Variants in WRN observed in about 807,000 individuals in gnomAD.
WRN encodes the protein WRN RecQ like helicase.
Under a neutral mutation model 180.7 loss-of-function variants are expected in WRN, and 149 were observed. The ratio of observed to expected loss-of-function variants is 0.82; its 90% CI spans 0.72 to 0.94. The LOEUF is 0.94. WRN is among the 40% of genes least tolerant of loss of function. The pLI, the probability that WRN is intolerant of heterozygous loss-of-function variation, is 0.00. For synonymous variants in WRN, 548 were observed against 568.9 expected (o/e 0.96, Z 0.52); for missense variants, 1,661 against 1,700.1 (o/e 0.98, Z 0.40).
intron 17 of WRN, among the ~76,000 whole-genome samples, chr8:31,098,154 C>T (rs1286783662): frequency 6.6e-6 from 1 of 151,954 alleles, no homozygotes; most frequent in Non-Finnish European, 1.5e-5. Context: ...TCTTAAACTC[C>T]CTTATTGACA....
At chr8:31,153,143 C>CTTGCCTAGT (rs1186248760) in intron 31 of WRN, among the ~76,000 whole-genome samples, 2 of 152,094 alleles carry the variant, frequency 1.3e-5, no homozygotes, top group Non-Finnish European at 1.5e-5. Context: ...GCAAGTGAAA[C>CTTGCCTAGT]TGTCTAGTTG....
intron 8 of WRN, among the ~76,000 whole-genome samples, chr8:31,077,333 C>T (rs567162229): frequency 2.6e-5 from 4 of 152,196 alleles, no homozygotes; most frequent in East Asian, 3.9e-4. Flanking sequence ...CTCCGCCTCC[C>T]GGGTTCACAC....
At chr8:31,126,193 A>G (rs1445706783) in intron 23 of WRN, among the ~76,000 whole-genome samples, 1 of 152,144 alleles carries the variant, frequency 6.6e-6, no homozygotes, top group Non-Finnish European at 1.5e-5. Context: ...ACCCAACAAC[A>G]GTAGAGTACA....
chr8:31,102,279 T>C (rs545450378), intron 18 of WRN, among the ~76,000 whole-genome samples: 3 of 152,374 alleles, frequency 2.0e-5, no homozygotes, highest in Non-Finnish European at 4.4e-5. Context: ...AAGAATGTTA[T>C]ATACATGGAA....
At chr8:31,157,796 T>G (rs1390872294) in intron 33 of WRN, among the ~76,000 whole-genome samples, 2 of 152,158 alleles carry the variant, frequency 1.3e-5, no homozygotes, top group Non-Finnish European at 2.9e-5. Flanking sequence ...GGCGTGATCT[T>G]GGCTCGCTGC....
intron 8 of WRN, among the ~76,000 whole-genome samples, chr8:31,080,225 A>G (rs1585426452): frequency 6.6e-6 from 1 of 152,234 alleles, no homozygotes; most frequent in African/African-American, 2.4e-5. Flanking sequence ...TTTGTTCCCA[A>G]TATTTTTATA....
chr8:31,100,894 G>C lies in WRN; in HGVS notation c.2027G>C (p.Trp676Ser), dbSNP rs779805817. ...AVDEAHCISE[W>S]GHDFRDSFRK... ...GATGAGGCTCACTGTATTTCTGAGT[G>C]GGGGCATGATTTTAGGGATTCATTC... The change falls in exon 18 of 35, where the codon TGG becomes TCG. Residue 676 changes from tryptophan to serine, a missense_variant. Physicochemically the swap from Trp to Ser is radical, Grantham distance 177. Coordinates refer to ENST00000298139, the MANE Select transcript of WRN (RefSeq NM_000553.6). 1.2e-6 allele frequency: 2 copies of C among 1,613,870 alleles called. No individual in the cohort carries two copies. Among genetic ancestry groups the C allele is most frequent in the African/African-American group, 2.7e-5 (2 of 74,884 alleles).
chr8:31,146,722 G>A (rs949888852), intron 28 of WRN, among the ~76,000 whole-genome samples: 2 of 152,192 alleles, frequency 1.3e-5, no homozygotes, highest in African/African-American at 4.8e-5. Flanking sequence ...GTTAAAAGAC[G>A]TTAACGTGTC....
intron 27 of WRN, among the ~76,000 whole-genome samples, chr8:31,143,073 T>TCTCA (rs1554533199): frequency 1.2e-4 from 17 of 146,342 alleles, no homozygotes; most frequent in South Asian, 2.2e-4. Context: ...TCTCTCTCTC[T>TCTCA]CACACACACA....
intron 19 of WRN, among the ~76,000 whole-genome samples, chr8:31,115,452 G>A (rs1298963939): frequency 2.6e-5 from 4 of 152,060 alleles, no homozygotes. Flanking sequence ...ATATTTCTTA[G>A]TATGAGTGTA....
intron 17 of WRN, 90 bp from the exon 18 acceptor site, chr8:31,100,759 G>A: frequency 9.4e-7 from 1 of 1,059,306 alleles, no homozygotes; most frequent in Non-Finnish European, 1.4e-6. Context: ...ACTTTGATTT[G>A]GTTATTTATT....
chr8:31,119,671 T>G (rs1007558868), intron 20 of WRN, among the ~76,000 whole-genome samples: 8 of 152,014 alleles, frequency 5.3e-5, no homozygotes, highest in Non-Finnish European at 7.4e-5. Context: ...CTTATCTATT[T>G]GTATTTTTAT....
At chr8:31,035,486 CT>C in intron 1 of WRN, among the ~76,000 whole-genome samples, 1 of 152,124 alleles carries the variant, frequency 6.6e-6, no homozygotes, top group East Asian at 1.9e-4. Flanking sequence ...GCCTAGTGAG[CT>C]GGAGCAGAGC....
intron 2 of WRN, 99 bp downstream of exon 2, chr8:31,058,642 A>G: frequency 9.5e-6 from 12 of 1,258,142 alleles, no homozygotes; most frequent in Non-Finnish European, 1.4e-5. Context: ...GTCATTGTTT[A>G]GGTCAGAGTT....
intron 24 of WRN, among the ~76,000 whole-genome samples, chr8:31,136,989 C>G (rs1421893928): frequency 6.6e-6 from 1 of 151,588 alleles, no homozygotes; most frequent in Non-Finnish European, 1.5e-5. Flanking sequence ...ACAGAGGAGG[C>G]CTTGTTCAGA....
intron 21 of WRN, 50 bp from the exon 22 acceptor site, chr8:31,124,468 TAAGA>T: frequency 7.4e-7 from 1 of 1,343,452 alleles, no homozygotes; most frequent in Non-Finnish European, 1.1e-6. Context: ...AAAAAAAAAG[TAAGA>T]AAGTTGCCAA....
In WRN at chr8:31,147,349, T is replaced by A; in HGVS notation, c.3460-15T>A. The A allele has an allele frequency of 2.5e-6, 4 of 1,611,976 alleles. No individual in the cohort carries two copies. The highest frequency in any genetic ancestry group is 3.4e-6 in the Non-Finnish European group (4 of 1,178,122). On this transcript the variant is annotated splice_polypyrimidine_tract_variant and intron_variant, in intron 29 of 34. Coordinates refer to ENST00000298139, the MANE Select transcript of WRN (RefSeq NM_000553.6). ...GTACACTTTAAAAAGTGTTGTTTCTTTGTTTTTTGTTCAGATTGTGTTATA... is the reference window on the plus strand; with the variant it reads ...GTACACTTTAAAAAGTGTTGTTTCTATGTTTTTTGTTCAGATTGTGTTATA...
At chr8:31,056,930 G>C (rs1371111465) in intron 1 of WRN, among the ~76,000 whole-genome samples, 1 of 152,168 alleles carries the variant, frequency 6.6e-6, no homozygotes, top group East Asian at 1.9e-4. Flanking sequence ...GATGTCATTG[G>C]GATGTTTACT....
intron 21 of WRN, 68 bp from the exon 22 acceptor site, chr8:31,124,454 A>C: frequency 8.6e-7 from 1 of 1,161,412 alleles, no homozygotes; most frequent in South Asian, 1.4e-5. Context: ...GTAAAAAATA[A>C]GTAAAAAAAA....
Sources: allele counts gnomAD v4.1 joint callset (sites outside exome capture counted in the v4.1 genomes callset), GRCh38; gene constraint gnomAD v4.1.1; transcripts MANE v1.5; gene names NCBI Gene and HGNC (gene_info 2026-07-23, HGNC 2026-07-21).